RERG: variants seen among roughly 807,000 people sequenced by gnomAD.
The protein encoded by RERG is ras-related and estrogen-regulated growth inhibitor.
In RERG, 25 loss-of-function variants were observed where a neutral mutation model predicts 23.2. The observed-to-expected ratio is 1.08, with a 90% confidence interval of 0.79 to 1.50. RERG has a LOEUF of 1.50. Among genes scored for constraint, RERG ranks in the 40% most tolerant of loss-of-function variants. RERG has a pLI of 0.00. For missense variants in RERG, 253 were observed against 250.1 expected, an observed-to-expected ratio of 1.01 and a Z score of -0.08; for synonymous variants, 81 against 89.1, an observed-to-expected ratio of 0.91 and a Z score of 0.51.
intron 2 of RERG, chr12:15,138,167 C>A (rs1311521222): frequency 1.0e-5 from 2 of 195,110 alleles, no homozygotes; most frequent in African/African-American, 4.7e-5. Context: ...CGCATTTATC[C>A]TGCTTGTGTT....
At chr12:15,140,725 C>A (rs1424278507) in intron 2 of RERG, among the ~76,000 whole-genome samples, 1 of 152,014 alleles carries the variant, frequency 6.6e-6, no homozygotes, top group Non-Finnish European at 1.5e-5. Context: ...AAATATTTCG[C>A]TCCACTCTCT....
intron 2 of RERG, among the ~76,000 whole-genome samples, chr12:15,204,086 G>A (rs1865253445): frequency 1.3e-5 from 2 of 151,536 alleles, no homozygotes; most frequent in Admixed American, 1.3e-4. Flanking sequence ...AAGTTTATAT[G>A]GAACAATAAA....
chr12:15,197,996 T>C (rs1357618541), intron 2 of RERG, among the ~76,000 whole-genome samples: 3 of 152,146 alleles, frequency 2.0e-5, no homozygotes, highest in Non-Finnish European at 4.4e-5. Context: ...AACTGTGTCA[T>C]CCAGGACTCA....
chr12:15,172,900 G>C (rs145930034), intron 2 of RERG, among the ~76,000 whole-genome samples: 2 of 151,894 alleles, frequency 1.3e-5, no homozygotes, highest in Admixed American at 1.3e-4. Context: ...TATTTGATTT[G>C]AAAGTGTTTT....
At chr12:15,128,010 A>G (rs1192597470) in intron 2 of RERG, among the ~76,000 whole-genome samples, 1 of 152,166 alleles carries the variant, frequency 6.6e-6, no homozygotes, top group Non-Finnish European at 1.5e-5. Context: ...TATGAACCCA[A>G]CTCTGTTTAC....
chr12:15,209,644 T>C (rs1591671560), intron 2 of RERG, among the ~76,000 whole-genome samples: 1 of 152,332 alleles, frequency 6.6e-6, no homozygotes, highest in East Asian at 1.9e-4. Flanking sequence ...CCAGAGGGCT[T>C]TGCCATGCAT....
chr12:15,207,945 G>A (rs2136145442), intron 2 of RERG, among the ~76,000 whole-genome samples: 1 of 152,230 alleles, frequency 6.6e-6, no homozygotes, highest in South Asian at 2.1e-4. Flanking sequence ...AATTTAATGT[G>A]TGAATCTGGC....
chr12:15,156,374 G>A (rs2136110579), intron 2 of RERG, among the ~76,000 whole-genome samples: 1 of 152,250 alleles, frequency 6.6e-6, no homozygotes, highest in East Asian at 1.9e-4. Context: ...CCCTTTGCTG[G>A]ATCTGGAGTT....
At chr12:15,212,416 C>A (rs979139506) in intron 2 of RERG, among the ~76,000 whole-genome samples, 1 of 152,038 alleles carries the variant, frequency 6.6e-6, no homozygotes, top group African/African-American at 2.4e-5. Context: ...AGTTTTAGGG[C>A]AGATTGTTTT....
intron 3 of RERG, 93 bp downstream of exon 3, chr12:15,120,970 A>T: frequency 1.1e-6 from 1 of 921,886 alleles, no homozygotes; most frequent in Non-Finnish European, 1.8e-6. Context: ...ATCAGCTAAA[A>T]GGAGCTTAAA....
chr12:15,180,664 G>A (rs2136128678), intron 2 of RERG, among the ~76,000 whole-genome samples: 1 of 152,282 alleles, frequency 6.6e-6, no homozygotes, highest in East Asian at 1.9e-4. Flanking sequence ...ACGAGGTAGA[G>A]CCCTTCTATC....
At chr12:15,130,564 A>T (rs754520844) in intron 2 of RERG, among the ~76,000 whole-genome samples, 4 of 151,150 alleles carry the variant, frequency 2.6e-5, no homozygotes, top group Non-Finnish European at 5.9e-5. Context: ...TTGACATTGA[A>T]AAAAAAAACC....
chr12:15,166,677 G>A (rs1413020158), intron 2 of RERG, among the ~76,000 whole-genome samples: 1 of 151,978 alleles, frequency 6.6e-6, no homozygotes, highest in African/African-American at 2.4e-5. Context: ...GTAAGATATG[G>A]TGCTTTGAAA....
chr12:15,211,171 T>C (rs143471081), intron 2 of RERG, among the ~76,000 whole-genome samples: 12 of 152,234 alleles, frequency 7.9e-5, no homozygotes, highest in Admixed American at 3.3e-4. Context: ...ACAAAGATTA[T>C]ATAATCTTAT....
At chr12:15,127,192 C>T (rs1863964162) in intron 2 of RERG, among the ~76,000 whole-genome samples, 1 of 152,054 alleles carries the variant, frequency 6.6e-6, no homozygotes, top group African/African-American at 2.4e-5. Context: ...TCTTGTATGT[C>T]TTAGAAATGG....
chr12:15,211,501 T>A (rs184986841), intron 2 of RERG, among the ~76,000 whole-genome samples: 143 of 151,430 alleles, frequency 9.4e-4, no homozygotes, highest in Middle Eastern at 3.4e-3. Context: ...ACACAGAGAG[T>A]GGAACAGTGG....
intron 4 of RERG, 67 bp downstream of exon 4, chr12:15,111,277 G>A (rs934034197): frequency 7.8e-7 from 1 of 1,277,706 alleles, no homozygotes; most frequent in Non-Finnish European, 1.1e-6. Context: ...CCTTATTTTT[G>A]TTCATAGCAT....
intron 2 of RERG, among the ~76,000 whole-genome samples, chr12:15,197,897 C>T (rs1408287157): frequency 6.6e-6 from 1 of 152,132 alleles, no homozygotes; most frequent in African/African-American, 2.4e-5. Flanking sequence ...CTCAGCCTGT[C>T]TTGGTTGCTG....
intron 2 of RERG, among the ~76,000 whole-genome samples, chr12:15,186,091 C>A (rs1209140536): frequency 1.3e-5 from 2 of 151,700 alleles, no homozygotes; most frequent in Non-Finnish European, 2.9e-5. Flanking sequence ...GACCAATGAC[C>A]ATTAAAAAGT....
Sources: allele counts gnomAD v4.1 joint callset (sites outside exome capture counted in the v4.1 genomes callset), GRCh38; gene constraint gnomAD v4.1.1; transcripts MANE v1.5; gene names NCBI Gene and HGNC (gene_info 2026-07-23, HGNC 2026-07-21).